MID1: variants seen among roughly 807,000 people sequenced by gnomAD.
MID1 encodes the protein E3 ubiquitin-protein ligase Midline-1.
A neutral mutation model predicts 40.4 loss-of-function variants in MID1; 7 were observed. That is an observed-to-expected ratio of 0.17 (90% CI 0.10 to 0.33). MID1 has a LOEUF of 0.33. MID1 is among the 10% of genes least tolerant of loss of function. The pLI, the probability that MID1 is intolerant of heterozygous loss-of-function variation, is 1.00. For missense variants in MID1, 367 were observed against 558.5 expected, an observed-to-expected ratio of 0.66 and a Z score of 3.46; for synonymous variants, 229 against 221.2, an observed-to-expected ratio of 1.04 and a Z score of -0.31.
intron 3 of MID1, among the ~76,000 whole-genome samples, chrX:10,514,053 G>A (rs1054446023): frequency 9.0e-6 from 1 of 111,338 alleles, no homozygotes; most frequent in Non-Finnish European, 1.9e-5. Context: ...TCAGCCTTTG[G>A]GCCTCCAATT....
chrX:10,491,892 T>C (rs1930972501), intron 4 of MID1, among the ~76,000 whole-genome samples: 2 of 111,717 alleles, frequency 1.8e-5, no homozygotes, highest in Non-Finnish European at 3.8e-5. Flanking sequence ...TTTCCTATCT[T>C]TTGAGTTCAA....
intron 1 of MID1, among the ~76,000 whole-genome samples, chrX:10,695,965 G>A (rs1488200255): frequency 9.0e-6 from 1 of 111,496 alleles, no homozygotes; most frequent in South Asian, 3.8e-4. Flanking sequence ...AGAGCCCCCC[G>A]CCACACACAC....
At chrX:10,741,076 C>T (rs1034927755) in intron 1 of MID1, among the ~76,000 whole-genome samples, 1 of 111,804 alleles carries the variant, frequency 8.9e-6, no homozygotes, top group East Asian at 2.8e-4. Flanking sequence ...TCATTGTGAT[C>T]GTGCAAAGGA....
chrX:10,680,052 C>T (rs2147068957), intron 1 of MID1, among the ~76,000 whole-genome samples: 1 of 112,098 alleles, frequency 8.9e-6, no homozygotes, highest in Admixed American at 9.5e-5. Flanking sequence ...TTAAAACTTG[C>T]ATCTACATTT....
intron 6 of MID1, among the ~76,000 whole-genome samples, chrX:10,473,892 TTTTTGTTG>T (rs1253061160): frequency 1.8e-5 from 2 of 112,162 alleles, no homozygotes; most frequent in Non-Finnish European, 3.8e-5. Context: ...TGGCCTGAGG[TTTTTGTTG>T]TTTTGTTGTT....
chrX:10,704,725 T>TATATATATATAC (rs2043215124), intron 1 of MID1, among the ~76,000 whole-genome samples: 1 of 84,659 alleles, frequency 1.2e-5, no homozygotes, highest in African/African-American at 5.3e-5. Flanking sequence ...TGTATATATA[T>TATATATATATAC]ATATATATAT....
Position 10,459,609 on chromosome X carries a change from T to C in MID1, c.1447+37A>G, listed in dbSNP as rs1264754741. 5 of 1,191,891 alleles carry C rather than the reference T, an allele frequency of 4.2e-6. No homozygotes were observed. The East Asian group carries it at 1.2e-4, about 28-fold the overall frequency. On this transcript the variant is annotated intron_variant, in intron 8 of 9. Transcript: ENST00000317552. ...CAGAGTCAGCTGAAAGAAGAGCAGA[T>C]AAGACATGACAGCTCTGTTGAGTTC... is the stretch of plus-strand genomic sequence containing the variant.
chrX:10,672,208 G>C (rs1283093125), intron 1 of MID1, among the ~76,000 whole-genome samples: 1 of 107,973 alleles, frequency 9.3e-6, no homozygotes, highest in Non-Finnish European at 1.9e-5. Flanking sequence ...CTGGGTGACA[G>C]AGCGAGATCC....
chrX:10,628,836 G>GT (rs1336604395), intron 1 of MID1, among the ~76,000 whole-genome samples: 2 of 112,141 alleles, frequency 1.8e-5, no homozygotes, highest in African/African-American at 6.5e-5. Context: ...AAAAACTCTC[G>GT]TATCTATCAT....
intron 1 of MID1, among the ~76,000 whole-genome samples, chrX:10,705,934 A>G (rs1476676155): frequency 8.9e-6 from 1 of 112,209 alleles, no homozygotes; most frequent in Non-Finnish European, 1.9e-5. Flanking sequence ...ATGATGAGTA[A>G]AGCAAACATG....
rs1023078711 is a variant in MID1, at chrX:10,676,298, A to G, written c.-186-55879T>C. On this transcript the variant is annotated intron_variant, in intron 1 of 10. Transcript: ENST00000380785. The stretch of plus-strand genomic sequence containing the variant: ...GAAGTGATGCTAATCAAGTTTGGGA[A>G]AAGTAAAATTGTTCTGTGGCTACCA... Among the ~76,000 whole-genome samples, 7 of 111,949 alleles carry G rather than the reference A, an allele frequency of 6.3e-5. No individual in the cohort carries two copies. The East Asian group carries it at 1.7e-3, about 27-fold the overall frequency.
chrX:10,554,226 G>A (rs895665498), intron 2 of MID1, among the ~76,000 whole-genome samples: 3 of 112,335 alleles, frequency 2.7e-5, no homozygotes, highest in South Asian at 3.7e-4. Context: ...CAGGAGATAC[G>A]TGGTTGTTCC....
chrX:10,566,186 A>T (rs899932340), intron 2 of MID1, among the ~76,000 whole-genome samples: 5 of 111,475 alleles, frequency 4.5e-5, no homozygotes, highest in African/African-American at 1.6e-4. Context: ...TAATAATTTC[A>T]TGTAAAAAAT....
At chrX:10,666,346 T>C (rs1328373116) in intron 1 of MID1, among the ~76,000 whole-genome samples, 1 of 103,588 alleles carries the variant, frequency 9.7e-6, no homozygotes. Context: ...TAGCAGGAGA[T>C]ACTGGTAGTT....
intron 5 of MID1, among the ~76,000 whole-genome samples, chrX:10,478,658 A>C (rs955698116): frequency 1.8e-5 from 2 of 112,373 alleles, no homozygotes; most frequent in Non-Finnish European, 3.8e-5. Context: ...AACCGGTTCC[A>C]AAGCAAAAGC....
At chrX:10,666,310 T>C (rs2042950643) in intron 1 of MID1, among the ~76,000 whole-genome samples, 1 of 109,722 alleles carries the variant, frequency 9.1e-6, no homozygotes, top group Non-Finnish European at 1.9e-5. Context: ...AATGCTCAAA[T>C]TGAATTTGCA....
intron 1 of MID1, among the ~76,000 whole-genome samples, chrX:10,818,912 G>A (rs2044156427): frequency 9.0e-6 from 1 of 111,729 alleles, no homozygotes; most frequent in African/African-American, 3.3e-5. Flanking sequence ...TCTAAGTTAG[G>A]TCTGTGTAGC....
intron 1 of MID1, among the ~76,000 whole-genome samples, chrX:10,648,337 G>A (rs1857622976): frequency 9.0e-6 from 1 of 111,702 alleles, no homozygotes; most frequent in Admixed American, 9.6e-5. Flanking sequence ...GTGTGCGTGT[G>A]TGTGTGTTTT....
intron 1 of MID1, among the ~76,000 whole-genome samples, chrX:10,768,138 C>T (rs779865133): frequency 1.8e-5 from 2 of 111,198 alleles, no homozygotes; most frequent in South Asian, 3.8e-4. Flanking sequence ...CTCTGTGAAA[C>T]GAGTTGTTTT....
Sources: gnomAD v4.1 joint callset for allele counts (sites outside exome capture counted in the v4.1 genomes callset) on GRCh38, gnomAD v4.1.1 for gene constraint, MANE v1.5 for transcripts, NCBI Gene and HGNC (gene_info 2026-07-23, HGNC 2026-07-21) for gene names.